The following CCDC25 variants were observed in gnomAD, a reference collection of about 807,000 sequenced individuals.
The protein encoded by CCDC25 is coiled-coil domain containing 25, also known as coiled-coil domain-containing protein 25.
A neutral mutation model predicts 35.3 loss-of-function variants in CCDC25; 16 were observed. The ratio of observed to expected loss-of-function variants is 0.45; its 90% CI spans 0.31 to 0.69. The LOEUF (loss-of-function observed/expected upper bound fraction) is 0.69, where lower values mean the gene tolerates loss of function less well. Among genes scored for constraint, CCDC25 ranks in the 30% least tolerant of loss-of-function variants. The pLI is 0.06. For synonymous variants in CCDC25, 79 were observed against 80.3 expected, an observed-to-expected ratio of 0.98 and a Z score of 0.09; for missense variants, 179 against 250.7, an observed-to-expected ratio of 0.71 and a Z score of 1.93.
rs1052458280 is a variant in CCDC25, at chr8:27,772,640, T to G, written c.-100A>C. On this transcript the variant is annotated 5_prime_UTR_variant, in exon 1 of 9. Coordinates refer to ENST00000356537, the MANE Select transcript of CCDC25 (RefSeq NM_018246.3). ...GCGGCGGCCGCCTGGCCCCCGGAACTCCTCCGTGCACTTCCGGCGGACGTC... is the reference window on the plus strand; with the variant it reads ...GCGGCGGCCGCCTGGCCCCCGGAACGCCTCCGTGCACTTCCGGCGGACGTC... The G allele has an allele frequency of 1.4e-5, 16 of 1,177,182 alleles. No homozygotes were observed. The Admixed American group carries it at 2.9e-4, about 21-fold the overall frequency. 72.9% of individuals were successfully genotyped at this position (1,177,182 alleles called of 1,614,324 possible).
At chr8:27,767,265 C>T (rs1427426901) in intron 1 of CCDC25, among the ~76,000 whole-genome samples, 2 of 152,140 alleles carry the variant, frequency 1.3e-5, no homozygotes, top group Non-Finnish European at 2.9e-5. Context: ...ACTGGAGAGG[C>T]TCAGGCATGA....
Position 27,748,581 on chromosome 8 carries a change from C to T in CCDC25, c.262G>A (p.Val88Ile), listed in dbSNP as rs1378702259. 8 of 1,613,480 alleles carry T rather than the reference C, an allele frequency of 5.0e-6. No individual in the cohort carries two copies. The East Asian group carries it at 1.6e-4, about 31-fold the overall frequency. The change falls in exon 6 of 9, where the codon GTT (valine) becomes ATT (isoleucine). Residue 88 changes from valine to isoleucine, a missense_variant. Coordinates refer to ENST00000356537, the MANE Select transcript of CCDC25 (RefSeq NM_018246.3). ...GACCACGGCGTATATACCACATTAA[C>T]GTTGTTCATCTTGCAGCCTGCCAAG... Reference protein sequence around the residue: ...NSIQGCKMNNVNVVYTPWSNL... With the variant: ...NSIQGCKMNNINVVYTPWSNL...
chr8:27,751,706 C>G, intron 5 of CCDC25, among the ~76,000 whole-genome samples: 1 of 152,220 alleles, frequency 6.6e-6, no homozygotes, highest in East Asian at 1.9e-4. Context: ...TCTACTGGCT[C>G]ATTATTAGCA....
intron 7 of CCDC25, 101 bp from the exon 8 acceptor site, chr8:27,740,618 T>G: frequency 1.1e-6 from 1 of 928,644 alleles, no homozygotes; most frequent in Non-Finnish European, 1.7e-6. Context: ...TCAGGGGCTT[T>G]AGAAGAAACA....
At position 27,743,695 on chromosome 8, in the gene CCDC25, A is replaced by G. The variant is rs990537723; in HGVS notation, c.552-3178T>C. ...GATCACTTGAGCTCAGGGGTTTGAG[A>G]TTAGCCTGGGCAACATAGGAAGACT... On this transcript the variant is annotated intron_variant, in intron 7 of 8. Transcript: ENST00000356537. Among the ~76,000 whole-genome samples the G allele has an allele frequency of 2.0e-5, 3 of 152,188 alleles. No individual in the cohort carries two copies. The East Asian group carries it at 5.8e-4, about 29-fold the overall frequency.
In CCDC25 at chr8:27,735,218, C is replaced by T. The variant is rs1206273140; in HGVS notation, c.*998G>A. 1 of 152,566 alleles carries T rather than the reference C, an allele frequency of 6.6e-6. No individual in the cohort carries two copies. The highest frequency in any genetic ancestry group is 2.4e-5 in the African/African-American group (1 of 41,412). 9.5% of individuals were successfully genotyped at this position (152,566 alleles called of 1,614,324 possible). On this transcript the variant is annotated 3_prime_UTR_variant, in exon 9 of 9. Transcript: ENST00000356537. ...CCTCAGGGAATTTTCCAGTTCAACCCCATACACCAACATGGAATAAATGGA... is the reference window on the plus strand; with the variant it reads ...CCTCAGGGAATTTTCCAGTTCAACCTCATACACCAACATGGAATAAATGGA...
intron 7 of CCDC25, among the ~76,000 whole-genome samples, chr8:27,744,172 C>T (rs752772660): frequency 6.6e-6 from 1 of 152,086 alleles, no homozygotes; most frequent in Non-Finnish European, 1.5e-5. Context: ...GATACTAACA[C>T]CCTAAATTTT....
chr8:27,737,777 C>G lies in CCDC25; in HGVS notation c.598-1532G>C, dbSNP rs1459217231. 6.6e-6 allele frequency among the ~76,000 whole-genome samples: 1 copy of G among 152,128 alleles called. No homozygotes were observed. Reference sequence around the variant, plus strand: ...ATTATTCAAAAAAGATACTTGCACACACATGTTTACAGTGGCACAATTCAC... The same window carrying G: ...ATTATTCAAAAAAGATACTTGCACAGACATGTTTACAGTGGCACAATTCAC... On this transcript the variant is annotated intron_variant, in intron 8 of 8. Transcript: ENST00000356537. The surrounding 1 kb of genome is among the most constrained non-coding windows in gnomAD (Gnocchi z 4.6).
At chr8:27,764,042 A>G (rs1406296746) in intron 2 of CCDC25, among the ~76,000 whole-genome samples, 2 of 152,250 alleles carry the variant, frequency 1.3e-5, no homozygotes, top group Non-Finnish European at 1.5e-5. Flanking sequence ...TAAAAAGAAC[A>G]GACCTGAAAG....
chr8:27,736,319 A>G (rs1803223155), intron 8 of CCDC25, 74 bp from the exon 9 acceptor site: 2 of 1,226,462 alleles, frequency 1.6e-6, no homozygotes, highest in South Asian at 2.7e-5. Context: ...AATTATCTTA[A>G]TTAGCGAGCT....
In CCDC25 at chr8:27,756,741, T is replaced by A. The variant is rs748940794; in HGVS notation, c.146A>T (p.His49Leu). The change falls in exon 4 of 9, where the codon CAT becomes CTT. Residue 49 changes from histidine (H) to leucine (L), a missense_variant. Coordinates refer to ENST00000356537, the MANE Select transcript of CCDC25 (RefSeq NM_018246.3). Reference sequence around the variant, plus strand: ...TACCTTATGTAATCGAAGGTATACATGAGCCGAAGAGAGTTTGTCCACATG... The same window carrying A: ...TACCTTATGTAATCGAAGGTATACAAGAGCCGAAGAGAGTTTGTCCACATG... ...WFHVDKLSSA[H>L]VYLRLHKGEN... 1.2e-6 allele frequency: 2 copies of A among 1,613,152 alleles called. No individual in the cohort carries two copies. The highest frequency in any genetic ancestry group is 2.2e-5 in the South Asian group (2 of 91,048).
chr8:27,770,791 T>A (rs13269886), intron 1 of CCDC25, among the ~76,000 whole-genome samples: 3,823 of 151,026 alleles, frequency 0.025, 82 homozygotes, highest in Non-Finnish European at 0.037. Flanking sequence ...TTAACAAGCA[T>A]ATAGAGTAGC....
chr8:27,739,745 A>G (rs758976788), intron 8 of CCDC25, among the ~76,000 whole-genome samples: 6 of 152,168 alleles, frequency 3.9e-5, no homozygotes, highest in Non-Finnish European at 7.4e-5. Context: ...AAGGATGACT[A>G]TATTTTTAAA....
chr8:27,757,509 A>G (rs1804053310), intron 3 of CCDC25, among the ~76,000 whole-genome samples: 1 of 152,154 alleles, frequency 6.6e-6, no homozygotes, highest in Admixed American at 6.5e-5. Flanking sequence ...AAAAACATTC[A>G]GAATGTCCCC....
chr8:27,770,007 G>A (rs912513896), intron 1 of CCDC25, among the ~76,000 whole-genome samples: 1 of 152,144 alleles, frequency 6.6e-6, no homozygotes, highest in Non-Finnish European at 1.5e-5. Context: ...AGCCACGCAT[G>A]GTGGCGTGTG....
In CCDC25 at chr8:27,737,046, T is replaced by C. The variant is rs965495194; in HGVS notation, c.598-801A>G. On this transcript the variant is annotated intron_variant, in intron 8 of 8. Transcript: ENST00000356537. This position sits in a 1 kb window ranked among gnomAD's most constrained non-coding sequence, Gnocchi z 4.6. Reference sequence around the variant, plus strand: ...GAGAAAGGGATCAGACTAAGGCTTATCTAAATGGCCCTTATTAAAGATGGT... The same window carrying C: ...GAGAAAGGGATCAGACTAAGGCTTACCTAAATGGCCCTTATTAAAGATGGT... Among the ~76,000 whole-genome samples, 1 of 152,208 alleles carries C rather than the reference T, an allele frequency of 6.6e-6. No individual in the cohort carries two copies. The highest frequency in any genetic ancestry group is 1.5e-5 in the Non-Finnish European group (1 of 68,038).
rs541493473 is a variant in CCDC25 at position 27,748,608 on chromosome 8, G to A, written c.245-10C>T. The A allele has an allele frequency of 8.3e-5, 132 of 1,598,936 alleles. No homozygotes were observed. The highest frequency in any genetic ancestry group is 2.2e-4 in the East Asian group (10 of 44,824). On this transcript the variant is annotated splice_polypyrimidine_tract_variant and intron_variant, in intron 5 of 8. Transcript: ENST00000356537. Reference sequence around the variant, plus strand: ...TTGTTCATCTTGCAGCCTGCCAAGAGAGACTGTCTTCAACATGCAGGCAGG... The same window carrying A: ...TTGTTCATCTTGCAGCCTGCCAAGAAAGACTGTCTTCAACATGCAGGCAGG...
intron 1 of CCDC25, among the ~76,000 whole-genome samples, chr8:27,769,488 T>C (rs1413002688): frequency 6.6e-6 from 1 of 152,220 alleles, no homozygotes; most frequent in East Asian, 1.9e-4. Context: ...TTTATATGGA[T>C]ATCTATGTTG....
intron 1 of CCDC25, among the ~76,000 whole-genome samples, chr8:27,769,982 C>G (rs1321063607): frequency 6.6e-6 from 1 of 151,740 alleles, no homozygotes; most frequent in Non-Finnish European, 1.5e-5. Context: ...TTTCTACTAA[C>G]AAAATACAAA....
Sources: gnomAD v4.1 joint callset for allele counts (sites outside exome capture counted in the v4.1 genomes callset) on GRCh38, gnomAD v4.1.1 for gene constraint, Gnocchi (gnomAD v3.1) non-coding constraint, MANE v1.5 for transcripts, NCBI Gene and HGNC (gene_info 2026-07-23, HGNC 2026-07-21) for gene names.